The following DLGAP2 variants were observed in gnomAD, a reference collection of about 807,000 sequenced individuals.
DLGAP2 encodes disks large-associated protein 2.
In DLGAP2, 26 loss-of-function variants were observed where a neutral mutation model predicts 100.3. That is an observed-to-expected ratio of 0.26 (90% CI 0.19 to 0.36). DLGAP2 has a LOEUF of 0.36. DLGAP2 is among the 10% of genes least tolerant of loss of function. The pLI is 1.00. For synonymous variants in DLGAP2, 886 were observed against 630.1 expected, an observed-to-expected ratio of 1.41 and a Z score of -6.08; for missense variants, 1,858 against 1,453.2, an observed-to-expected ratio of 1.28 and a Z score of -4.53.
intron 3 of DLGAP2, among the ~76,000 whole-genome samples, chr8:1,466,132 C>T (rs1003995749): frequency 2.6e-5 from 4 of 152,100 alleles, no homozygotes; most frequent in Non-Finnish European, 4.4e-5. Flanking sequence ...CGTGTTGGAG[C>T]GTTTAGGTTG....
At chr8:998,336 T>G (rs1368877775) in intron 2 of DLGAP2, among the ~76,000 whole-genome samples, 1 of 152,228 alleles carries the variant, frequency 6.6e-6, no homozygotes, top group Admixed American at 6.5e-5. Context: ...GGTCTTGCTC[T>G]GTCACCCAGG....
At chr8:1,053,599 G>A (rs1396982936) in intron 2 of DLGAP2, among the ~76,000 whole-genome samples, 2 of 152,076 alleles carry the variant, frequency 1.3e-5, no homozygotes, top group African/African-American at 4.8e-5. Context: ...CCAAGCAGAG[G>A]CCCGATAACT....
intron 6 of DLGAP2, among the ~76,000 whole-genome samples, chr8:1,590,303 C>G (rs1055256846): frequency 6.6e-6 from 1 of 152,182 alleles, no homozygotes; most frequent in Non-Finnish European, 1.5e-5. Flanking sequence ...TCAGGCCGTA[C>G]CAGAAGCAAT....
intron 2 of DLGAP2, among the ~76,000 whole-genome samples, chr8:1,255,101 T>TGTGTGTGTGTCCTCTCATCCTGCCC (rs1563043564): frequency 1.8e-5 from 2 of 108,396 alleles, no homozygotes; most frequent in African/African-American, 8.8e-5. Flanking sequence ...TCATCCTGCC[T>TGTGTGTGTGTCCTCTCATCCTGCCC]GGGTGCTGTG....
chr8:832,776 C>T (rs1046331389), intron 1 of DLGAP2, among the ~76,000 whole-genome samples: 1 of 152,218 alleles, frequency 6.6e-6, no homozygotes, highest in Non-Finnish European at 1.5e-5. Flanking sequence ...TGCTGAGAGC[C>T]TCTGCTGGTC....
At chr8:986,231 G>A (rs1195965305) in intron 2 of DLGAP2, among the ~76,000 whole-genome samples, 4 of 152,192 alleles carry the variant, frequency 2.6e-5, no homozygotes. Flanking sequence ...TAGCACAGCA[G>A]GGGTAGGGAG....
chr8:1,165,439 A>G (rs1016087020), intron 2 of DLGAP2, among the ~76,000 whole-genome samples: 1 of 152,174 alleles, frequency 6.6e-6, no homozygotes, highest in Non-Finnish European at 1.5e-5. Flanking sequence ...TTTTTCTCAA[A>G]GTGTGCATGT....
chr8:1,146,691 A>G (rs1796614571), intron 2 of DLGAP2, among the ~76,000 whole-genome samples: 1 of 152,088 alleles, frequency 6.6e-6, no homozygotes, highest in Admixed American at 6.5e-5. Context: ...GTGCCTGTGT[A>G]GGGAGAGGGG....
intron 1 of DLGAP2, among the ~76,000 whole-genome samples, chr8:828,138 G>C (rs148978694): frequency 0.13 from 20,067 of 152,192 alleles, 1,480 homozygotes; most frequent in East Asian, 0.24. Context: ...AATTAAAATT[G>C]CTAATGAAGT....
At chr8:1,191,297 A>T (rs1368041806) in intron 2 of DLGAP2, among the ~76,000 whole-genome samples, 1 of 151,088 alleles carries the variant, frequency 6.6e-6, no homozygotes, top group Admixed American at 6.6e-5. Context: ...CAGCCTCCCG[A>T]GTAGCTGGGA....
At chr8:1,458,797 A>G (rs1798391493) in intron 3 of DLGAP2, among the ~76,000 whole-genome samples, 1 of 152,188 alleles carries the variant, frequency 6.6e-6, no homozygotes, top group African/African-American at 2.4e-5. Context: ...CCAGACATGA[A>G]AACAGGAGTG....
chr8:1,237,201 CGTGGTGCCGTGT>C, intron 2 of DLGAP2, among the ~76,000 whole-genome samples: 1 of 142,248 alleles, frequency 7.0e-6, no homozygotes, highest in South Asian at 2.2e-4. Context: ...AGTTCTCTCA[CGTGGTGCCGTGT>C]CTAGTTCTCT....
At chr8:1,388,777 C>G (rs1397459778) in intron 3 of DLGAP2, among the ~76,000 whole-genome samples, 5 of 120,272 alleles carry the variant, frequency 4.2e-5, no homozygotes, top group Non-Finnish European at 6.8e-5. Flanking sequence ...GATGAGGAGG[C>G]GCTGGTTCAA....
intron 2 of DLGAP2, among the ~76,000 whole-genome samples, chr8:994,190 T>C (rs982385344): frequency 2.6e-5 from 4 of 152,064 alleles, no homozygotes; most frequent in Non-Finnish European, 5.9e-5. Flanking sequence ...TAAACATCCT[T>C]ATGGTGTTTT....
chr8:1,235,251 GCGT>G (rs142355790), intron 2 of DLGAP2, among the ~76,000 whole-genome samples: 2 of 123,630 alleles, frequency 1.6e-5, no homozygotes, highest in African/African-American at 8.7e-5. Flanking sequence ...CTCACACATG[GCGT>G]CGTGTCTAGT....
At chr8:750,754 G>A (rs1021834850) in intron 1 of DLGAP2, among the ~76,000 whole-genome samples, 1 of 152,234 alleles carries the variant, frequency 6.6e-6, no homozygotes, top group Non-Finnish European at 1.5e-5. Context: ...AGTGTTTCAG[G>A]CTGATGGGAG....
At chr8:1,363,350 C>G (rs953756916) in intron 3 of DLGAP2, among the ~76,000 whole-genome samples, 10 of 152,192 alleles carry the variant, frequency 6.6e-5, no homozygotes, top group African/African-American at 2.2e-4. Context: ...TCTCTCCTGC[C>G]TCTGCCTCGC....
intron 13 of DLGAP2, among the ~76,000 whole-genome samples, chr8:1,692,765 T>C (rs2130878591): frequency 6.6e-6 from 1 of 152,160 alleles, no homozygotes; most frequent in African/African-American, 2.4e-5. Context: ...GAATATACCA[T>C]GAACTAGATG....
chr8:1,544,721 T>C (rs916730724), intron 4 of DLGAP2, among the ~76,000 whole-genome samples: 5 of 147,260 alleles, frequency 3.4e-5, no homozygotes, highest in East Asian at 2.0e-4. Context: ...TTTGATTTGC[T>C]AGTATTTTTG....
Sources: allele counts gnomAD v4.1 joint callset (sites outside exome capture counted in the v4.1 genomes callset), GRCh38; gene constraint gnomAD v4.1.1; transcripts MANE v1.5; gene names NCBI Gene and HGNC (gene_info 2026-07-23, HGNC 2026-07-21).